Variants in PLEKHA5 observed in about 807,000 individuals in gnomAD.
PLEKHA5 encodes the protein pleckstrin homology domain containing A5.
Under a neutral mutation model 181.9 loss-of-function variants are expected in PLEKHA5, and 55 were observed. The ratio of observed to expected loss-of-function variants is 0.30; its 90% CI spans 0.24 to 0.38. PLEKHA5 has a LOEUF of 0.38. Ranked by LOEUF, PLEKHA5 falls within the 10% of genes least tolerant of loss-of-function variation. The probability of loss-of-function intolerance (pLI) is 1.00; values close to 1 mark genes in which losing one functional copy is unlikely to be tolerated. For missense variants in PLEKHA5, 1,432 were observed against 1,549.5 expected, an observed-to-expected ratio of 0.92 and a Z score of 1.27; for synonymous variants, 535 against 529.4, an observed-to-expected ratio of 1.01 and a Z score of -0.15.
At chr12:19,267,699 C>T (rs1015899969) in intron 8 of PLEKHA5, among the ~76,000 whole-genome samples, 2 of 149,642 alleles carry the variant, frequency 1.3e-5, no homozygotes, top group Admixed American at 6.7e-5. Context: ...CACGGTGGCT[C>T]ATGCCTGTAA....
chr12:19,160,656 T>C (rs2042759093), intron 3 of PLEKHA5, among the ~76,000 whole-genome samples: 1 of 152,138 alleles, frequency 6.6e-6, no homozygotes, highest in African/African-American at 2.4e-5. Context: ...TACTATTAAA[T>C]ATTGATGTAC....
intron 3 of PLEKHA5, chr12:19,201,888 T>C (rs2054283830): frequency 5.4e-6 from 1 of 183,618 alleles, no homozygotes; most frequent in African/African-American, 2.4e-5. Flanking sequence ...GTGGTAATAG[T>C]TGCACAACTC....
chr12:19,251,886 T>G (rs114330821), intron 3 of PLEKHA5, among the ~76,000 whole-genome samples: 146 of 152,282 alleles, frequency 9.6e-4, no homozygotes, highest in African/African-American at 3.3e-3. Context: ...TTCCCTGCCC[T>G]TCCTGTGGTC....
At position 19,130,228 on chromosome 12, in the gene PLEKHA5, G is replaced by C. The variant is rs1250667785; in HGVS notation, c.169+98G>C. The C allele has an allele frequency of 7.8e-6, 5 of 642,854 alleles. No individual in the cohort carries two copies. The highest frequency in any genetic ancestry group is 8.9e-6 in the Non-Finnish European group (4 of 451,140). The allele number at this position is 642,854 out of a possible 1,614,324, so 39.8% of individuals were successfully genotyped here. On this transcript the variant is annotated intron_variant, in intron 2 of 31. Transcript: ENST00000429027. The surrounding 1 kb of genome is among the most constrained non-coding windows in gnomAD (Gnocchi z 4.5). ...CAACCTGCCCCGCGCCGCGGGCCCC[G>C]GGAGGCGGCGAGGCGGGGCGGAGGC...
At chr12:19,252,507 GT>G (rs537162422) in intron 3 of PLEKHA5, among the ~76,000 whole-genome samples, 1 of 151,924 alleles carries the variant, frequency 6.6e-6, no homozygotes. Flanking sequence ...AATAAATAGG[GT>G]TTTTTTCCTT....
At chr12:19,213,085 C>G (rs1461255769) in intron 3 of PLEKHA5, among the ~76,000 whole-genome samples, 1 of 151,956 alleles carries the variant, frequency 6.6e-6, no homozygotes. Flanking sequence ...TTTACACATT[C>G]CAGACCCAGG....
In PLEKHA5 at chr12:19,130,392, A is replaced by G. The variant is rs2033227010; in HGVS notation, c.169+262A>G. On this transcript the variant is annotated intron_variant, in intron 2 of 31. Coordinates refer to ENST00000429027, the MANE Select transcript of PLEKHA5 (RefSeq NM_001256470.2). This position sits in a 1 kb window ranked among gnomAD's most constrained non-coding sequence, Gnocchi z 4.5. ...CCCTCTTCCTGCGCCTTCTCCCCCC[A>G]TCCCAGCCTAGACGACCCTCGCGAC... Among the ~76,000 whole-genome samples, 1 of 149,776 alleles carries G rather than the reference A, an allele frequency of 6.7e-6. No homozygotes were observed. Among genetic ancestry groups the G allele is most frequent in the Non-Finnish European group, 1.5e-5 (1 of 67,346 alleles).
chr12:19,362,692 C>T (rs1383279165), intron 29 of PLEKHA5, among the ~76,000 whole-genome samples: 1 of 151,154 alleles, frequency 6.6e-6, no homozygotes, highest in Non-Finnish European at 1.5e-5. Flanking sequence ...CATGGGAGGT[C>T]AAGGCTGCAG....
intron 15 of PLEKHA5, among the ~76,000 whole-genome samples, chr12:19,302,244 T>TTCTTAG (rs1471791562): frequency 6.6e-6 from 1 of 152,240 alleles, no homozygotes; most frequent in Non-Finnish European, 1.5e-5. Context: ...ATGGGTCTTC[T>TTCTTAG]TCTTAGTTAA....
At chr12:19,133,914 C>G (rs2034811304) in intron 3 of PLEKHA5, among the ~76,000 whole-genome samples, 1 of 152,000 alleles carries the variant, frequency 6.6e-6, no homozygotes, top group African/African-American at 2.4e-5. Flanking sequence ...AGGGATACTT[C>G]TTTTCTTGTC....
chr12:19,306,596 G>A (rs527982067), intron 15 of PLEKHA5: 16 of 851,168 alleles, frequency 1.9e-5, no homozygotes, highest in Admixed American at 3.4e-5. Context: ...CCCTAGCGGC[G>A]GGCCCAGTAG....
intron 3 of PLEKHA5, among the ~76,000 whole-genome samples, chr12:19,147,595 T>TC (rs2039246751): frequency 1.4e-5 from 1 of 73,028 alleles, no homozygotes; most frequent in East Asian, 3.0e-4. Flanking sequence ...GTTTCTTTTT[T>TC]CTTTTTTTTT....
chr12:19,151,771 T>C (rs936269710), intron 3 of PLEKHA5: 1 of 151,666 alleles, frequency 6.6e-6, no homozygotes, highest in African/African-American at 2.4e-5. Flanking sequence ...TTGTCAAGTG[T>C]AAAATTCAAA....
intron 3 of PLEKHA5, among the ~76,000 whole-genome samples, chr12:19,220,872 G>A (rs2058833680): frequency 6.6e-6 from 1 of 152,060 alleles, no homozygotes; most frequent in African/African-American, 2.4e-5. Flanking sequence ...CTTTGTCAAA[G>A]AAAACACACA....
chr12:19,306,431 A>G, intron 15 of PLEKHA5: 1 of 582,836 alleles, frequency 1.7e-6, no homozygotes, highest in Non-Finnish European at 3.3e-6. Context: ...CGGCGACTGG[A>G]GCAGCAGAGG....
chr12:19,265,996 GA>G, intron 8 of PLEKHA5, 146 bp downstream of exon 8: 1 of 445,412 alleles, frequency 2.2e-6, no homozygotes, highest in Non-Finnish European at 3.9e-6. Context: ...TGGTTGTATA[GA>G]AGAATGTCCC....
chr12:19,230,667 C>T (rs2060390467), intron 3 of PLEKHA5, among the ~76,000 whole-genome samples: 1 of 152,164 alleles, frequency 6.6e-6, no homozygotes, highest in Non-Finnish European at 1.5e-5. Flanking sequence ...GCCCGCGGAG[C>T]CTGTGCCCAC....
chr12:19,338,814 G>A, intron 21 of PLEKHA5, among the ~76,000 whole-genome samples: 1 of 151,190 alleles, frequency 6.6e-6, no homozygotes, highest in East Asian at 2.0e-4. Flanking sequence ...AACCTGGGAG[G>A]CGGAGGTTGC....
chr12:19,163,388 A>G (rs1163623227), intron 3 of PLEKHA5, among the ~76,000 whole-genome samples: 1 of 152,116 alleles, frequency 6.6e-6, no homozygotes, highest in East Asian at 1.9e-4. Flanking sequence ...TGTGTTAGCC[A>G]GGATGGTCTC....
Sources: gnomAD v4.1 joint callset for allele counts (sites outside exome capture counted in the v4.1 genomes callset) on GRCh38, gnomAD v4.1.1 for gene constraint, Gnocchi (gnomAD v3.1) non-coding constraint, MANE v1.5 for transcripts, NCBI Gene and HGNC (gene_info 2026-07-23, HGNC 2026-07-21) for gene names.